Variants in TMEM132C observed in about 807,000 individuals in gnomAD.
TMEM132C encodes the protein protein phosphatase 1, regulatory subunit 152.
A neutral mutation model predicts 61.4 loss-of-function variants in TMEM132C; 29 were observed. The ratio of observed to expected loss-of-function variants is 0.47; its 90% CI spans 0.35 to 0.64. The LOEUF (loss-of-function observed/expected upper bound fraction) is 0.64. TMEM132C is among the 30% of genes least tolerant of loss of function. TMEM132C has a pLI of 0.00. For synonymous variants in TMEM132C, 656 were observed against 633.1 expected (o/e 1.04, Z -0.54); for missense variants, 1,408 against 1,476.9 (o/e 0.95, Z 0.76).
chr12:128,469,179 A>G (rs1870845897), intron 2 of TMEM132C, among the ~76,000 whole-genome samples: 2 of 152,190 alleles, frequency 1.3e-5, no homozygotes, highest in Admixed American at 1.3e-4. Context: ...AGCCTAAGCC[A>G]TTTCCAGAAG....
chr12:128,562,038 A>G (rs1328895857), intron 3 of TMEM132C, among the ~76,000 whole-genome samples: 1 of 152,134 alleles, frequency 6.6e-6, no homozygotes, highest in African/African-American at 2.4e-5. Flanking sequence ...GACTATCCCA[A>G]TAACCCCAAA....
chr12:128,702,945 A>G (rs961868844), intron 8 of TMEM132C, among the ~76,000 whole-genome samples: 1 of 152,008 alleles, frequency 6.6e-6, no homozygotes, highest in Non-Finnish European at 1.5e-5. Context: ...GGCAGGGAGG[A>G]AAGGAGGCAG....
At chr12:128,594,502 T>G (rs1875876800) in intron 3 of TMEM132C, among the ~76,000 whole-genome samples, 1 of 152,078 alleles carries the variant, frequency 6.6e-6, no homozygotes, top group Non-Finnish European at 1.5e-5. Flanking sequence ...GAATGCACAT[T>G]GCACGGTGCA....
intron 3 of TMEM132C, among the ~76,000 whole-genome samples, chr12:128,573,589 C>G (rs1422795195): frequency 6.6e-6 from 1 of 150,766 alleles, no homozygotes; most frequent in Non-Finnish European, 1.5e-5. Context: ...TACCCTAGAG[C>G]TTAAAGTATA....
chr12:128,278,415 T>G lies in TMEM132C; in HGVS notation c.85+10928T>G, dbSNP rs2135896603. On this transcript the variant is annotated intron_variant, in intron 1 of 8. Transcript: ENST00000435159. This position sits in a 1 kb window ranked among gnomAD's most constrained non-coding sequence, Gnocchi z 4.2. ...AGTGTTTTCATCTGTCGTGTTCATA[T>G]CCTATTAACTAAATGACGTTTCCTA... is the stretch of plus-strand genomic sequence containing the variant. 6.6e-6 allele frequency among the ~76,000 whole-genome samples: 1 copy of G among 152,326 alleles called. No homozygotes were observed. Among genetic ancestry groups the G allele is most frequent in the East Asian group, 1.9e-4 (1 of 5,178 alleles).
chr12:128,385,917 C>T (rs140530020), intron 1 of TMEM132C, among the ~76,000 whole-genome samples: 53 of 152,200 alleles, frequency 3.5e-4, no homozygotes, highest in African/African-American at 1.2e-3. Context: ...TCTCCCAAGC[C>T]GGCTGCCTAC....
chr12:128,491,029 AGAGT>A (rs1871699089), intron 2 of TMEM132C, among the ~76,000 whole-genome samples: 1 of 152,174 alleles, frequency 6.6e-6, no homozygotes, highest in South Asian at 2.1e-4. Context: ...TTCAAGGTGT[AGAGT>A]GAGTAAGGAG....
chr12:128,589,038 C>T (rs752282729), intron 3 of TMEM132C, among the ~76,000 whole-genome samples: 1 of 152,094 alleles, frequency 6.6e-6, no homozygotes, highest in Non-Finnish European at 1.5e-5. Flanking sequence ...GGACAGTCAG[C>T]GAGCCTGAAA....
At chr12:128,443,096 G>A (rs1565937894) in intron 2 of TMEM132C, among the ~76,000 whole-genome samples, 2 of 151,654 alleles carry the variant, frequency 1.3e-5, no homozygotes, top group South Asian at 2.1e-4. Flanking sequence ...TTAAAAAAAT[G>A]GATATATATT....
At chr12:128,420,807 T>C (rs1338748293) in intron 2 of TMEM132C, among the ~76,000 whole-genome samples, 1 of 152,202 alleles carries the variant, frequency 6.6e-6, no homozygotes, top group Non-Finnish European at 1.5e-5. Flanking sequence ...GGAAAGCCTG[T>C]GGGAGAGGCA....
At chr12:128,311,667 C>T (rs544424499) in intron 1 of TMEM132C, among the ~76,000 whole-genome samples, 6 of 152,342 alleles carry the variant, frequency 3.9e-5, no homozygotes, top group African/African-American at 9.6e-5. Context: ...GTGGCACCCC[C>T]GCCGGAACCT....
intron 2 of TMEM132C, among the ~76,000 whole-genome samples, chr12:128,434,580 A>G (rs1869510022): frequency 6.6e-6 from 1 of 151,448 alleles, no homozygotes; most frequent in Non-Finnish European, 1.5e-5. Flanking sequence ...GAGCCACCGC[A>G]CCTGGCCTGG....
intron 4 of TMEM132C, among the ~76,000 whole-genome samples, chr12:128,621,110 G>A (rs999670028): frequency 6.6e-6 from 1 of 151,894 alleles, no homozygotes; most frequent in East Asian, 2.0e-4. Context: ...TCTGCTCTGG[G>A]CCCTGGGGGC....
intron 3 of TMEM132C, among the ~76,000 whole-genome samples, chr12:128,572,033 G>A (rs1874902699): frequency 6.6e-6 from 1 of 151,884 alleles, no homozygotes; most frequent in South Asian, 2.1e-4. Context: ...GGCCAGACCT[G>A]GGTCACATTC....
chr12:128,397,299 C>A (rs1874995199), intron 1 of TMEM132C, among the ~76,000 whole-genome samples: 1 of 152,216 alleles, frequency 6.6e-6, no homozygotes, highest in African/African-American at 2.4e-5. Context: ...AGAGAAAGGT[C>A]TGGTTAGGGC....
intron 1 of TMEM132C, among the ~76,000 whole-genome samples, chr12:128,285,549 G>A (rs921308069): frequency 2.0e-5 from 3 of 152,154 alleles, no homozygotes; most frequent in Non-Finnish European, 4.4e-5. Flanking sequence ...AGACAGGCAA[G>A]CCAAGGAAAG....
At chr12:128,305,965 G>T (rs1339301822) in intron 1 of TMEM132C, among the ~76,000 whole-genome samples, 1 of 152,016 alleles carries the variant, frequency 6.6e-6, no homozygotes, top group African/African-American at 2.4e-5. Flanking sequence ...CCATTTTCAG[G>T]GCTTGAGACT....
intron 1 of TMEM132C, among the ~76,000 whole-genome samples, chr12:128,362,862 T>G (rs1419194954): frequency 1.3e-5 from 2 of 152,210 alleles, no homozygotes; most frequent in Admixed American, 1.3e-4. Context: ...GAAAGTGATT[T>G]TTTGGTGAGC....
intron 3 of TMEM132C, among the ~76,000 whole-genome samples, chr12:128,609,102 T>C (rs1182529147): frequency 6.7e-6 from 1 of 150,224 alleles, no homozygotes; most frequent in African/African-American, 2.5e-5. Flanking sequence ...CTGTAACCTC[T>C]GCCTCCCTGC....
Sources: gnomAD v4.1 joint callset for allele counts (sites outside exome capture counted in the v4.1 genomes callset) on GRCh38, gnomAD v4.1.1 for gene constraint, Gnocchi (gnomAD v3.1) non-coding constraint, MANE v1.5 for transcripts, NCBI Gene and HGNC (gene_info 2026-07-23, HGNC 2026-07-21) for gene names.